Variants in F13A1 observed in about 807,000 individuals in gnomAD.
F13A1 encodes coagulation factor XIII A chain, also known as FSF, A subunit.
Under a neutral mutation model 80.1 loss-of-function variants are expected in F13A1, and 47 were observed. That is an observed-to-expected ratio of 0.59 (90% CI 0.46 to 0.75). The LOEUF (loss-of-function observed/expected upper bound fraction) is 0.75, where lower values mean the gene tolerates loss of function less well. Among genes scored for constraint, F13A1 ranks in the 30% least tolerant of loss-of-function variants. The pLI is 0.00. For missense variants in F13A1, 817 were observed against 930.4 expected (o/e 0.88, Z 1.59); for synonymous variants, 349 against 344.9 (o/e 1.01, Z -0.13).
intron 2 of F13A1, among the ~76,000 whole-genome samples, 199 bp downstream of exon 2, chr6:6,318,336 A>T (rs1355825963): frequency 6.6e-6 from 1 of 152,242 alleles, no homozygotes; most frequent in Non-Finnish European, 1.5e-5. Context: ...CAGAACTGGG[A>T]CAAGGCTCTG....
chr6:6,152,975 T>A (rs1390923871), intron 13 of F13A1, among the ~76,000 whole-genome samples: 2 of 152,236 alleles, frequency 1.3e-5, no homozygotes, highest in African/African-American at 2.4e-5. Context: ...GCAAACATAT[T>A]GCAAGGCACA....
chr6:6,150,777 T>A (rs1247227757), intron 14 of F13A1, among the ~76,000 whole-genome samples: 4 of 152,086 alleles, frequency 2.6e-5, no homozygotes, highest in South Asian at 2.1e-4. Flanking sequence ...ATGAAAGTAA[T>A]AAACCTCAAA....
chr6:6,253,413 G>T (rs1473797726), intron 4 of F13A1, among the ~76,000 whole-genome samples: 2 of 152,192 alleles, frequency 1.3e-5, no homozygotes, highest in African/African-American at 4.8e-5. Context: ...TCTAAAATAT[G>T]ACTGCGCAGC....
chr6:6,301,780 C>T (rs533077255), intron 3 of F13A1, among the ~76,000 whole-genome samples: 1 of 152,294 alleles, frequency 6.6e-6, no homozygotes, highest in East Asian at 1.9e-4. Context: ...TACCCTCAGC[C>T]ACAGAGAACC....
rs1002083184 is a variant in F13A1, at chr6:6,260,668, T to A, written c.571+5890A>T. ...CGTGCTAGGCCGGGAAACCACACAA[T>A]AAGTGGGGAGATGAACTCTTTCTCT... On this transcript the variant is annotated intron_variant, in intron 4 of 14. Coordinates refer to ENST00000264870, the MANE Select transcript of F13A1 (RefSeq NM_000129.4). Among the ~76,000 whole-genome samples, 15 of 152,038 alleles carry A rather than the reference T, an allele frequency of 9.9e-5. 1 individual carries two copies. Among genetic ancestry groups the A allele is most frequent in the Admixed American group, 9.8e-4 (15 of 15,266 alleles).
chr6:6,206,454 T>C (rs1421978062), intron 8 of F13A1: 2 of 470,648 alleles, frequency 4.2e-6, no homozygotes, highest in East Asian at 6.9e-5. Context: ...TTTTTTTCCC[T>C]TTCTGCCTAA....
intron 3 of F13A1, among the ~76,000 whole-genome samples, chr6:6,304,372 C>T (rs1200154003): frequency 1.3e-5 from 2 of 152,084 alleles, no homozygotes; most frequent in South Asian, 2.1e-4. Flanking sequence ...TGTTGTGCCA[C>T]CCCTGCTTCT....
chr6:6,165,564 A>G (rs1213593233), intron 13 of F13A1, among the ~76,000 whole-genome samples: 1 of 152,290 alleles, frequency 6.6e-6, no homozygotes, highest in South Asian at 2.1e-4. Context: ...CTGTCAGGGA[A>G]GGTTCAGGGT....
At chr6:6,315,779 G>T (rs1781792) in intron 2 of F13A1, among the ~76,000 whole-genome samples, 68,119 of 151,432 alleles carry the variant, frequency 0.45, 16,284 homozygotes, top group East Asian at 0.85. Flanking sequence ...TTTAACTTGG[G>T]GCTGGTGTTC....
At chr6:6,279,264 C>T (rs1758029240) in intron 3 of F13A1, among the ~76,000 whole-genome samples, 1 of 152,096 alleles carries the variant, frequency 6.6e-6, no homozygotes, top group African/African-American at 2.4e-5. Context: ...TTAAACAAGA[C>T]TGTGTTATTC....
At chr6:6,174,125 G>A (rs919344776) in intron 12 of F13A1, among the ~76,000 whole-genome samples, 2 of 152,006 alleles carry the variant, frequency 1.3e-5, no homozygotes, top group East Asian at 3.9e-4. Context: ...TGCGGTGGCT[G>A]ACGCCTATAA....
At position 6,186,197 on chromosome 6, in the gene F13A1, C is replaced by A. The variant is rs1376122007; in HGVS notation, c.1306-4056G>T. Among the ~76,000 whole-genome samples, 11 of 149,714 alleles carry A rather than the reference C, an allele frequency of 7.3e-5. No homozygotes were observed. In the Admixed American group the frequency reaches 7.4e-4, roughly 10 times the overall value. On this transcript the variant is annotated intron_variant, in intron 10 of 14. Transcript: ENST00000264870. ...TGCCTGTTCACTCTGATGGTAGTTT[C>A]TTTTGCTGTGCAGAAGCTCTTGAGT...
chr6:6,208,486 T>A (rs1017802178), intron 8 of F13A1, among the ~76,000 whole-genome samples: 23 of 152,208 alleles, frequency 1.5e-4, no homozygotes, highest in African/African-American at 5.5e-4. Flanking sequence ...GAAAGAATAT[T>A]TGAAGAAACG....
chr6:6,291,997 G>T (rs1354679951), intron 3 of F13A1, among the ~76,000 whole-genome samples: 4 of 152,168 alleles, frequency 2.6e-5, no homozygotes, highest in African/African-American at 9.7e-5. Context: ...AGGCTCCCTT[G>T]GTGGAGGTAG....
rs571330302 is a variant in F13A1, at chr6:6,267,795, T to C, written c.320-986A>G. Among the ~76,000 whole-genome samples the C allele has an allele frequency of 1.1e-4, 16 of 152,314 alleles. No individual in the cohort carries two copies. In the South Asian group the frequency reaches 2.1e-3, roughly 20 times the overall value. ...AAAGCTAATTATGTAAGGATGCACT[T>C]TGGGGAATAGCAAAAAACTAGAGAA... is the stretch of plus-strand genomic sequence containing the variant. On this transcript the variant is annotated intron_variant, in intron 3 of 14. Transcript: ENST00000264870.
At chr6:6,164,875 T>C (rs1004738504) in intron 13 of F13A1, among the ~76,000 whole-genome samples, 1 of 144,622 alleles carries the variant, frequency 6.9e-6, no homozygotes, top group African/African-American at 2.5e-5. Flanking sequence ...GCTATGACTC[T>C]GCATTTCACC....
At chr6:6,309,439 G>A (rs1390606435) in intron 2 of F13A1, among the ~76,000 whole-genome samples, 5 of 152,150 alleles carry the variant, frequency 3.3e-5, no homozygotes, top group East Asian at 1.9e-4. Context: ...CATGTGGAAA[G>A]GGGGGTGGAG....
chr6:6,257,060 G>A lies in F13A1; in HGVS notation c.572-6131C>T, dbSNP rs149557897. 6.3e-3 allele frequency among the ~76,000 whole-genome samples: 957 copies of A among 152,288 alleles called. 5 individuals are homozygous for A. The highest frequency in any genetic ancestry group is 0.022 in the African/African-American group (907 of 41,564). On this transcript the variant is annotated intron_variant, in intron 4 of 14. Transcript: ENST00000264870. ...TTTAGGGAAGGAAGGAATTTAGAGC[G>A]AGGGGATTAGGAATCACTTACACTT...
chr6:6,316,894 G>A (rs1290672851), intron 2 of F13A1, among the ~76,000 whole-genome samples: 1 of 152,180 alleles, frequency 6.6e-6, no homozygotes, highest in Non-Finnish European at 1.5e-5. Flanking sequence ...GGCAGATGTG[G>A]AACAGGAAGC....
Sources: allele counts gnomAD v4.1 joint callset (sites outside exome capture counted in the v4.1 genomes callset), GRCh38; gene constraint gnomAD v4.1.1; transcripts MANE v1.5; gene names NCBI Gene and HGNC (gene_info 2026-07-23, HGNC 2026-07-21).